PELI2: variants seen among roughly 807,000 people sequenced by gnomAD.
PELI2 encodes the protein E3 ubiquitin-protein ligase pellino homolog 2.
Under a neutral mutation model 42.3 loss-of-function variants are expected in PELI2, and 23 were observed. The observed-to-expected ratio is 0.54, with a 90% CI of 0.39 to 0.77. The LOEUF is 0.77. PELI2 is among the 30% of genes least tolerant of loss of function. The pLI, the probability that PELI2 is intolerant of heterozygous loss-of-function variation, is 0.00. For missense variants in PELI2, 463 were observed against 553.2 expected (o/e 0.84, Z 1.64); for synonymous variants, 245 against 212.2 (o/e 1.15, Z -1.34).
intron 2 of PELI2, among the ~76,000 whole-genome samples, chr14:56,234,924 C>G (rs1006880095): frequency 6.6e-6 from 1 of 152,026 alleles, no homozygotes; most frequent in Non-Finnish European, 1.5e-5. Context: ...CTTAAATTGC[C>G]CAAACCTGGT....
intron 4 of PELI2, 86 bp from the exon 5 acceptor site, chr14:56,290,174 CTGCCTCTA>C: frequency 1.1e-6 from 1 of 929,056 alleles, no homozygotes; most frequent in South Asian, 2.2e-5. Flanking sequence ...TTCCTCCCCT[CTGCCTCTA>C]TGCAATGTAT....
chr14:56,276,120 C>A (rs902635720), intron 2 of PELI2, among the ~76,000 whole-genome samples: 1 of 152,144 alleles, frequency 6.6e-6, no homozygotes, highest in Non-Finnish European at 1.5e-5. Context: ...ATACTTCTAA[C>A]AAAAAGTTCA....
At chr14:56,138,171 G>A (rs981210338) in intron 1 of PELI2, among the ~76,000 whole-genome samples, 1 of 152,228 alleles carries the variant, frequency 6.6e-6, no homozygotes, top group African/African-American at 2.4e-5. Flanking sequence ...ACAGGGCTCA[G>A]AAAATGGCTT....
At chr14:56,265,750 G>A (rs566642612) in intron 2 of PELI2, among the ~76,000 whole-genome samples, 1 of 152,076 alleles carries the variant, frequency 6.6e-6, no homozygotes, top group Admixed American at 6.5e-5. Flanking sequence ...CAAAACAACA[G>A]TAAGAAAATT....
chr14:56,298,988 T>C lies in PELI2; in HGVS notation c.*1822T>C, dbSNP rs1890095799. On this transcript the variant is annotated 3_prime_UTR_variant, in exon 6 of 6. Coordinates refer to ENST00000267460, the MANE Select transcript of PELI2 (RefSeq NM_021255.3). ...GACTTGCCTAGAATAATATATTGAA[T>C]GCCTTTTGATTTAGCCAGAGTCTCT... The C allele has an allele frequency of 6.6e-6, 1 of 152,250 alleles. No individual in the cohort carries two copies. The highest frequency in any genetic ancestry group is 1.5e-5 in the Non-Finnish European group (1 of 68,054). 9.4% of individuals were successfully genotyped at this position (152,250 alleles called of 1,614,324 possible).
At chr14:56,279,557 G>A in intron 2 of PELI2, 119 bp from the exon 3 acceptor site, 1 of 525,228 alleles carries the variant, frequency 1.9e-6, no homozygotes, top group East Asian at 3.1e-5. Context: ...ACCTGACTGT[G>A]TGGAAAATGC....
chr14:56,174,890 C>G (rs937531517), intron 1 of PELI2, among the ~76,000 whole-genome samples: 6 of 152,350 alleles, frequency 3.9e-5, no homozygotes, highest in Middle Eastern at 3.4e-3. Flanking sequence ...CCACTACTCT[C>G]TCCACTTGAA....
At chr14:56,123,078 C>T (rs1165337417) in intron 1 of PELI2, among the ~76,000 whole-genome samples, 1 of 151,778 alleles carries the variant, frequency 6.6e-6, no homozygotes, top group African/African-American at 2.4e-5. Context: ...TTGATAAGCT[C>T]TACAAAAGGA....
chr14:56,148,682 T>C (rs1250333604), intron 1 of PELI2, among the ~76,000 whole-genome samples: 1 of 152,242 alleles, frequency 6.6e-6, no homozygotes, highest in Non-Finnish European at 1.5e-5. Flanking sequence ...TTCTTCTGTG[T>C]TCTCTGAGCA....
chr14:56,153,898 C>A (rs1008466514), intron 1 of PELI2, among the ~76,000 whole-genome samples: 1 of 152,116 alleles, frequency 6.6e-6, no homozygotes, highest in African/African-American at 2.4e-5. Flanking sequence ...TAAATTTAAA[C>A]CCTCTTCTTA....
At chr14:56,224,902 A>G (rs570845108) in intron 2 of PELI2, among the ~76,000 whole-genome samples, 2 of 151,830 alleles carry the variant, frequency 1.3e-5, no homozygotes, top group South Asian at 2.1e-4. Context: ...GTCCCCTCCT[A>G]TTTGGTACAT....
chr14:56,250,257 T>C (rs1474150039), intron 2 of PELI2, among the ~76,000 whole-genome samples: 1 of 152,230 alleles, frequency 6.6e-6, no homozygotes, highest in Non-Finnish European at 1.5e-5. Context: ...GGGTGAGATT[T>C]CAGCCAGGTA....
At chr14:56,128,654 T>C (rs975210489) in intron 1 of PELI2, among the ~76,000 whole-genome samples, 2 of 151,804 alleles carry the variant, frequency 1.3e-5, no homozygotes, top group African/African-American at 4.8e-5. Context: ...CCTTGAGGGG[T>C]ATGGCTGGAG....
chr14:56,286,677 C>A (rs1308337521), intron 3 of PELI2, among the ~76,000 whole-genome samples: 1 of 152,140 alleles, frequency 6.6e-6, no homozygotes, highest in Non-Finnish European at 1.5e-5. Flanking sequence ...AAAGGGCAGG[C>A]TGCAAGTTTT....
At chr14:56,146,391 AT>A (rs1769530401) in intron 1 of PELI2, among the ~76,000 whole-genome samples, 1 of 152,236 alleles carries the variant, frequency 6.6e-6, no homozygotes, top group African/African-American at 2.4e-5. Context: ...ACCCCTAAGA[AT>A]AGGTCCATGA....
At chr14:56,151,899 A>G (rs987543967) in intron 1 of PELI2, among the ~76,000 whole-genome samples, 3 of 152,236 alleles carry the variant, frequency 2.0e-5, no homozygotes, top group Admixed American at 2.0e-4. Flanking sequence ...GTTGAAATTT[A>G]GTAGATGTTT....
At chr14:56,231,642 C>T (rs919943051) in intron 2 of PELI2, among the ~76,000 whole-genome samples, 1 of 152,096 alleles carries the variant, frequency 6.6e-6, no homozygotes, top group African/African-American at 2.4e-5. Context: ...ACTAAATGCT[C>T]ACAAGAGAAA....
intron 5 of PELI2, among the ~76,000 whole-genome samples, chr14:56,291,029 AT>A (rs1399362617): frequency 1.6e-4 from 25 of 152,154 alleles, no homozygotes. Flanking sequence ...ATCACCACTT[AT>A]CCCCATGCCC....
At chr14:56,213,324 G>A (rs1348450855) in intron 2 of PELI2, among the ~76,000 whole-genome samples, 3 of 152,112 alleles carry the variant, frequency 2.0e-5, no homozygotes, top group Admixed American at 6.5e-5. Context: ...CTTACTTTTT[G>A]GGCCCAGGCA....
Sources: allele counts gnomAD v4.1 joint callset (sites outside exome capture counted in the v4.1 genomes callset), GRCh38; gene constraint gnomAD v4.1.1; transcripts MANE v1.5; gene names NCBI Gene and HGNC (gene_info 2026-07-23, HGNC 2026-07-21).